NAA25: variants seen among roughly 807,000 people sequenced by gnomAD.
NAA25 encodes the protein N-alpha-acetyltransferase 25, NatB auxiliary subunit.
NAA25 carries 30 observed loss-of-function variants against 132.5 expected under a neutral mutation model. That is an observed-to-expected ratio of 0.23 (90% CI 0.17 to 0.31). NAA25 has a LOEUF of 0.31. Among genes scored for constraint, NAA25 ranks in the 10% least tolerant of loss-of-function variants. The pLI is 1.00. For missense variants in NAA25, 771 were observed against 1,150.4 expected (o/e 0.67, Z 4.77); for synonymous variants, 359 against 401.9 (o/e 0.89, Z 1.28).
At chr12:112,048,215 C>T (rs1239960552) in intron 16 of NAA25, 77 bp downstream of exon 16, 7 of 1,384,522 alleles carry the variant, frequency 5.1e-6, no homozygotes, top group Middle Eastern at 1.9e-4. Flanking sequence ...CTGCCAATAA[C>T]ACCCATGAGC....
intron 10 of NAA25, among the ~76,000 whole-genome samples, chr12:112,070,804 C>T (rs1190308323): frequency 2.6e-5 from 4 of 152,090 alleles, no homozygotes; most frequent in Non-Finnish European, 4.4e-5. Context: ...TAGAGTGCAG[C>T]GGCAAGATCT....
At position 112,048,276 on chromosome 12, in the gene NAA25, C is replaced by G; in HGVS notation, c.1880+16G>C. 1 of 1,607,098 alleles carries G rather than the reference C, an allele frequency of 6.2e-7. No individual in the cohort carries two copies. The highest frequency in any genetic ancestry group is 8.5e-7 in the Non-Finnish European group (1 of 1,175,144). On this transcript the variant is annotated intron_variant, in intron 16 of 23. Coordinates refer to ENST00000261745, the MANE Select transcript of NAA25 (RefSeq NM_024953.4). The stretch of plus-strand genomic sequence containing the variant: ...CTAATCCCTTAGTTCCTTTATAGCT[C>G]TCATGCAATACTTACATATTTGCTT...
intron 22 of NAA25, among the ~76,000 whole-genome samples, chr12:112,036,876 CGTGTGT>C (rs146916262): frequency 2.0e-5 from 3 of 148,290 alleles, no homozygotes; most frequent in Non-Finnish European, 4.5e-5. Context: ...ACTGTGTGTG[CGTGTGT>C]GTGTGTGTGT....
chr12:112,045,466 G>A (rs1013018704), intron 17 of NAA25, among the ~76,000 whole-genome samples: 5 of 143,976 alleles, frequency 3.5e-5, no homozygotes, highest in South Asian at 2.2e-4. Flanking sequence ...CAGCCTGGAC[G>A]ACAGAGTGAG....
At chr12:112,048,128 A>G (rs1017893526) in intron 16 of NAA25, among the ~76,000 whole-genome samples, 164 bp downstream of exon 16, 7 of 152,038 alleles carry the variant, frequency 4.6e-5, no homozygotes, top group African/African-American at 1.7e-4. Flanking sequence ...GCAGTACTCT[A>G]CCATTCCCCA....
intron 10 of NAA25, among the ~76,000 whole-genome samples, chr12:112,070,011 C>T (rs1419714802): frequency 6.6e-6 from 1 of 151,924 alleles, no homozygotes; most frequent in Non-Finnish European, 1.5e-5. Flanking sequence ...GCCTGTAATC[C>T]CAGCTACTTG....
intron 1 of NAA25, among the ~76,000 whole-genome samples, chr12:112,105,728 T>C (rs534046574): frequency 6.6e-6 from 1 of 152,222 alleles, no homozygotes; most frequent in Non-Finnish European, 1.5e-5. Flanking sequence ...AAGACAGTGA[T>C]GCTACTGAAT....
intron 21 of NAA25, chr12:112,040,214 C>G (rs1411816977): frequency 3.5e-6 from 1 of 286,568 alleles, no homozygotes; most frequent in Admixed American, 5.3e-5. Context: ...ATGAAAACAG[C>G]TAGATTTGAG....
rs199640099 is a variant in NAA25, at chr12:112,043,717, C to T, written c.2158G>A (p.Val720Ile). 2.4e-4 allele frequency: 395 copies of T among 1,614,064 alleles called. 1 individual carries two copies. Among genetic ancestry groups the T allele is most frequent in the Non-Finnish European group, 3.0e-4 (357 of 1,180,038 alleles). Residue 720 changes from valine (V) to isoleucine (I), a missense_variant, in exon 18 of 24, where the codon GTA (valine) becomes ATA (isoleucine). By Grantham distance (29) the Val-to-Ile change is conservative (BLOSUM62 3). Coordinates refer to ENST00000261745, the MANE Select transcript of NAA25 (RefSeq NM_024953.4). Reference sequence around the variant, plus strand: ...CGAAGAATATCAATCCGGGAGGATACCCCATTCTCGGCAGTCTTCTCCGAG... The same window carrying T: ...CGAAGAATATCAATCCGGGAGGATATCCCATTCTCGGCAGTCTTCTCCGAG... ...KNSEKTAENG[V>I]SSRIDILRLL...
chr12:112,088,317 G>GTTTTTT (rs1025838850), intron 3 of NAA25, among the ~76,000 whole-genome samples: 1 of 75,580 alleles, frequency 1.3e-5, no homozygotes, highest in South Asian at 6.7e-4. Flanking sequence ...GTATATTGTA[G>GTTTTTT]TTTTTTTTTT....
At position 112,071,919 on chromosome 12, in the gene NAA25, C is replaced by T. The variant is rs963593627; in HGVS notation, c.1012G>A (p.Gly338Ser). 1.2e-6 allele frequency: 2 copies of T among 1,613,288 alleles called. No homozygotes were observed. Among genetic ancestry groups the T allele is most frequent in the African/African-American group, 2.7e-5 (2 of 74,832 alleles). ...LELIRRLRSQGCNDEYKLGDP... is the reference protein window; with the variant it reads ...LELIRRLRSQSCNDEYKLGDP... ...CCCAGTTTGTACTCATCGTTACAAC[C>T]TTGACTTCGTAAACGCCTAATCAGC... Residue 338 changes from glycine to serine, a missense_variant, in exon 10 of 24, where the codon GGT becomes AGT. Physicochemically the swap from Gly to Ser is moderately conservative, Grantham distance 56 (BLOSUM62 0). Coordinates refer to ENST00000261745, the MANE Select transcript of NAA25 (RefSeq NM_024953.4).
chr12:112,057,939 C>T (rs2078572063), intron 13 of NAA25, among the ~76,000 whole-genome samples: 1 of 152,184 alleles, frequency 6.6e-6, no homozygotes, highest in African/African-American at 2.4e-5. Flanking sequence ...CAAGATTGTG[C>T]CATTGCACTC....
intron 11 of NAA25, chr12:112,065,719 C>T (rs1437309899): frequency 6.6e-6 from 1 of 151,790 alleles, no homozygotes; most frequent in African/African-American, 2.4e-5. Flanking sequence ...AGCTAAAACC[C>T]CAAAGCAAAT....
intron 1 of NAA25, among the ~76,000 whole-genome samples, chr12:112,095,394 G>A (rs1165101484): frequency 4.0e-5 from 6 of 151,346 alleles, no homozygotes; most frequent in African/African-American, 1.5e-4. Flanking sequence ...CTGAGATCGC[G>A]CCACTGCACT....
chr12:112,059,075 C>CAAAAAAAAAAAAAAAAAA (rs530305102), intron 13 of NAA25, among the ~76,000 whole-genome samples: 2 of 63,236 alleles, frequency 3.2e-5, no homozygotes, highest in Admixed American at 2.0e-4. Context: ...CTCCATCTCA[C>CAAAAAAAAAAAAAAAAAA]AAAAAAAAAA....
chr12:112,042,771 T>G (rs1219013872), intron 19 of NAA25, among the ~76,000 whole-genome samples: 2 of 152,266 alleles, frequency 1.3e-5, no homozygotes, highest in Non-Finnish European at 2.9e-5. Context: ...CCACCCAAAG[T>G]GCTGGGATTA....
rs750384844 is a variant in NAA25 at position 112,072,105 on chromosome 12, T to C, written c.867-41A>G. 1.5e-5 allele frequency: 24 copies of C among 1,554,994 alleles called. No homozygotes were observed. In the Admixed American group the frequency reaches 3.0e-4, roughly 20 times the overall value. ...TGAAAAAGGAATTTTATTGCCTCTA[T>C]TGTCCTTCCCGAAGCTTAAAGTCAA... On this transcript the variant is annotated intron_variant, in intron 9 of 23. Transcript: ENST00000261745.
At chr12:112,058,813 C>T (rs111930367) in intron 13 of NAA25, among the ~76,000 whole-genome samples, 9,787 of 152,056 alleles carry the variant, frequency 0.064, 362 homozygotes, top group Middle Eastern at 0.16. Flanking sequence ...AATCCTAGCA[C>T]TTTGGGAGGC....
chr12:112,049,756 C>T lies in NAA25; in HGVS notation c.1729-1313G>A. ...AGTGATACACCCTATCAAGAGGAGGCCAGGATACTCTAAACACATATGCCT... is the reference window on the plus strand; with the variant it reads ...AGTGATACACCCTATCAAGAGGAGGTCAGGATACTCTAAACACATATGCCT... On this transcript the variant is annotated intron_variant, in intron 15 of 23. Transcript: ENST00000261745. The surrounding 1 kb of genome is among the most constrained non-coding windows in gnomAD (Gnocchi z 4.7). 4.2e-6 allele frequency: 2 copies of T among 480,876 alleles called. No individual in the cohort carries two copies. Among genetic ancestry groups the T allele is most frequent in the South Asian group, 8.9e-5 (1 of 11,284 alleles). The allele number at this position is 480,876 out of a possible 1,614,324, so 29.8% of individuals were successfully genotyped here.
Sources: gnomAD v4.1 joint callset for allele counts (sites outside exome capture counted in the v4.1 genomes callset) on GRCh38, gnomAD v4.1.1 for gene constraint, Gnocchi (gnomAD v3.1) non-coding constraint, MANE v1.5 for transcripts, NCBI Gene and HGNC (gene_info 2026-07-23, HGNC 2026-07-21) for gene names.